The following CPT1A variants were observed in gnomAD, a reference collection of about 807,000 sequenced individuals.
CPT1A encodes the protein carnitine palmitoyltransferase 1A.
A neutral mutation model predicts 100.8 loss-of-function variants in CPT1A; 64 were observed. That is an observed-to-expected ratio of 0.63 (90% confidence interval 0.52 to 0.78). CPT1A has a LOEUF of 0.78. Among genes scored for constraint, CPT1A ranks in the 30% least tolerant of loss-of-function variants. The pLI, the probability that CPT1A is intolerant of heterozygous loss-of-function variation, is 0.00. For synonymous variants in CPT1A, 363 were observed against 396.0 expected (o/e 0.92, Z 0.99); for missense variants, 802 against 1,034.1 (o/e 0.78, Z 3.08).
intron 1 of CPT1A, among the ~76,000 whole-genome samples, chr11:68,819,284 T>G (rs1157405825): frequency 6.6e-6 from 1 of 152,120 alleles, no homozygotes; most frequent in Non-Finnish European, 1.5e-5. Context: ...TTCACCATGT[T>G]GGCCAGGCTG....
intron 16 of CPT1A, 121 bp from the exon 17 acceptor site, chr11:68,760,459 A>G: frequency 3.0e-6 from 2 of 673,358 alleles, no homozygotes; most frequent in Non-Finnish European, 4.9e-6. Flanking sequence ...CCACAAGTCT[A>G]TGTCTCCAAA....
intron 4 of CPT1A, among the ~76,000 whole-genome samples, chr11:68,804,456 C>G (rs1007667904): frequency 2.6e-5 from 4 of 152,114 alleles, no homozygotes; most frequent in African/African-American, 9.7e-5. Context: ...GGCATGGTGG[C>G]ATGTGCCTGT....
chr11:68,819,259 T>G (rs1354275279), intron 1 of CPT1A, among the ~76,000 whole-genome samples: 1 of 152,056 alleles, frequency 6.6e-6, no homozygotes, highest in African/African-American at 2.4e-5. Flanking sequence ...TTTCTATTTT[T>G]AGTGGAGACA....
intron 18 of CPT1A, 135 bp downstream of exon 18, chr11:68,759,434 T>C (rs1946758441): frequency 5.7e-6 from 4 of 699,256 alleles, no homozygotes; most frequent in Non-Finnish European, 1.0e-5. Context: ...AGTCCATTTA[T>C]GTGAAAATTC....
In CPT1A at chr11:68,841,225, C is replaced by T. The variant is rs1474838102; in HGVS notation, c.-14+550G>A. Among the ~76,000 whole-genome samples the T allele has an allele frequency of 3.3e-5, 5 of 152,066 alleles. No homozygotes were observed. Among genetic ancestry groups the T allele is most frequent in the Non-Finnish European group, 7.4e-5 (5 of 67,976 alleles). ...CGTAGGTGACCAACCCACGGGCGGA[C>T]CCCCAGACCCAATCCTCTCCAGAGC... On this transcript the variant is annotated intron_variant, in intron 1 of 18. Transcript: ENST00000265641. This position sits in a 1 kb window ranked among gnomAD's most constrained non-coding sequence, Gnocchi z 6.3.
chr11:68,797,216 G>A (rs1399191369), intron 6 of CPT1A, among the ~76,000 whole-genome samples: 1 of 152,162 alleles, frequency 6.6e-6, no homozygotes, highest in African/African-American at 2.4e-5. Flanking sequence ...GAAGTGGGAG[G>A]ATTGCTTGAG....
intron 9 of CPT1A, among the ~76,000 whole-genome samples, chr11:68,791,058 A>G (rs537775050): frequency 6.6e-6 from 1 of 152,298 alleles, no homozygotes; most frequent in South Asian, 2.1e-4. Flanking sequence ...TCCTGACCTC[A>G]GGTGATCCAC....
intron 9 of CPT1A, among the ~76,000 whole-genome samples, chr11:68,785,469 G>A (rs1304786729): frequency 6.6e-6 from 1 of 151,006 alleles, no homozygotes; most frequent in Non-Finnish European, 1.5e-5. Context: ...GCTGAGGCAG[G>A]AGAATCGCTT....
intron 1 of CPT1A, among the ~76,000 whole-genome samples, chr11:68,834,318 T>C (rs1856954872): frequency 6.6e-6 from 1 of 152,052 alleles, no homozygotes; most frequent in Admixed American, 6.6e-5. Flanking sequence ...GCACTTGTAA[T>C]CCAGCTATTC....
At chr11:68,773,552 A>G in intron 13 of CPT1A, 123 bp from the exon 14 acceptor site, 3 of 1,533,046 alleles carry the variant, frequency 2.0e-6, no homozygotes, top group Non-Finnish European at 2.6e-6. Flanking sequence ...AAGTACACAA[A>G]CGTTTTCCTG....
At chr11:68,838,582 A>AAAAAAAAAAAAAAAACAAAAAAAAAC (rs1555235335) in intron 1 of CPT1A, among the ~76,000 whole-genome samples, 1 of 145,290 alleles carries the variant, frequency 6.9e-6, no homozygotes, top group African/African-American at 2.6e-5. Context: ...TAAAAAAAAA[A>AAAAAAAAAAAAAAAACAAAAAAAAAC]AAAAAAAAAC....
chr11:68,772,968 T>C (rs1323893902), intron 14 of CPT1A, among the ~76,000 whole-genome samples: 1 of 152,176 alleles, frequency 6.6e-6, no homozygotes, highest in Non-Finnish European at 1.5e-5. Flanking sequence ...GGGCTTATTA[T>C]GGGGCTTAAC....
intron 14 of CPT1A, among the ~76,000 whole-genome samples, chr11:68,766,838 A>G (rs1361635654): frequency 5.3e-5 from 8 of 152,094 alleles, no homozygotes; most frequent in Admixed American, 5.2e-4. Context: ...AAAAAAAAAA[A>G]AAAGAAAAGA....
In CPT1A at chr11:68,759,695, G is replaced by A. The variant is rs1343055945; in HGVS notation, c.2143-34C>T. The A allele has an allele frequency of 2.7e-6, 4 of 1,468,188 alleles. No individual in the cohort carries two copies. The South Asian group carries it at 4.5e-5, about 17-fold the overall frequency. 90.9% of individuals were successfully genotyped at this position (1,468,188 alleles called of 1,614,324 possible). A position where few individuals can be genotyped will look rare whatever the true frequency, so the allele number is the denominator to read the frequency against. ...CAAGGGAATTTGAATTTGTTGCTGG[G>A]AAATGAGACAACGTGAAAAAGGGAC... On this transcript the variant is annotated intron_variant, in intron 17 of 18. Transcript: ENST00000265641.
chr11:68,808,053 T>C (rs747880586), intron 3 of CPT1A, among the ~76,000 whole-genome samples: 5 of 152,252 alleles, frequency 3.3e-5, no homozygotes, highest in Non-Finnish European at 5.9e-5. Flanking sequence ...GTGAGAGCCA[T>C]GCCCTGCCGA....
chr11:68,757,805 A>ATC, intron 18 of CPT1A, 75 bp from the exon 19 acceptor site: 1 of 1,196,176 alleles, frequency 8.4e-7, no homozygotes, highest in Non-Finnish European at 1.2e-6. Flanking sequence ...TTCATTTGCA[A>ATC]TCTGACCCAA....
intron 14 of CPT1A, among the ~76,000 whole-genome samples, chr11:68,772,505 C>A (rs2060980): frequency 0.77 from 117,309 of 151,550 alleles, 46,325 homozygotes; most frequent in East Asian, 0.87. Context: ...GCTCCTCCAA[C>A]AGGGGTTGCC....
At chr11:68,773,877 T>C in intron 13 of CPT1A, 1 of 256,844 alleles carries the variant, frequency 3.9e-6, no homozygotes, top group Non-Finnish European at 7.7e-6. Context: ...AGAGGCAAAA[T>C]GGCGGCGTCT....
intron 15 of CPT1A, 149 bp from the exon 16 acceptor site, chr11:68,761,836 C>T (rs1854628699): frequency 1.1e-6 from 1 of 913,404 alleles, no homozygotes; most frequent in South Asian, 1.4e-5. Flanking sequence ...GTTTCGAACT[C>T]CTGAGCTCAG....
Sources: allele counts gnomAD v4.1 joint callset (sites outside exome capture counted in the v4.1 genomes callset), GRCh38; gene constraint gnomAD v4.1.1; non-coding constraint Gnocchi (gnomAD v3.1); transcripts MANE v1.5; gene names NCBI Gene and HGNC (gene_info 2026-07-23, HGNC 2026-07-21).